SVIL: variants seen among roughly 807,000 people sequenced by gnomAD.
SVIL encodes archvillin.
In SVIL, 101 loss-of-function variants were observed where a neutral mutation model predicts 240.4. The ratio of observed to expected loss-of-function variants is 0.42; its 90% confidence interval spans 0.36 to 0.50. SVIL has a LOEUF of 0.50. SVIL is among the 20% of genes least tolerant of loss of function. The pLI is 0.01. For synonymous variants in SVIL, 999 were observed against 1,100.0 expected (o/e 0.91, Z 1.82); for missense variants, 2,512 against 2,818.7 (o/e 0.89, Z 2.46).
At chr10:29,667,406 G>A (rs1959393284) in intron 2 of SVIL, among the ~76,000 whole-genome samples, 1 of 152,182 alleles carries the variant, frequency 6.6e-6, no homozygotes. Context: ...TCTGGAAAAG[G>A]CAAAACTGTA....
At position 29,722,907 on chromosome 10, in the gene SVIL, T is replaced by TG. The variant is rs139793228; in HGVS notation, c.-400+12843dup. Among the ~76,000 whole-genome samples, 748 of 152,326 alleles carry TG rather than the reference T, an allele frequency of 4.9e-3. 17 individuals carry two copies. In the East Asian group the frequency reaches 0.076, roughly 15 times the overall value. On this transcript the variant is annotated intron_variant, in intron 1 of 35. Transcript: ENST00000375400. Reference sequence around the variant, plus strand: ...AAGATCTTGATTTAAATCTCAATCCTGTCACTCCTAGATACATGACTCTGG... The same window carrying TG: ...AAGATCTTGATTTAAATCTCAATCCTGGTCACTCCTAGATACATGACTCTGG...
At chr10:29,562,769 G>GAAAAAAAAAA (rs34507610) in intron 3 of SVIL, among the ~76,000 whole-genome samples, 10 of 115,720 alleles carry the variant, frequency 8.6e-5, no homozygotes, top group East Asian at 2.6e-4. Context: ...TCAAAAAAAA[G>GAAAAAAAAAA]AAAAAAAAAA....
At chr10:29,580,720 G>A (rs560914516) in intron 1 of SVIL, among the ~76,000 whole-genome samples, 1 of 152,152 alleles carries the variant, frequency 6.6e-6, no homozygotes, top group Non-Finnish European at 1.5e-5. Flanking sequence ...AGGCTGGAGT[G>A]CAGTGGTACA....
chr10:29,563,561 C>T (rs554655411), intron 2 of SVIL, among the ~76,000 whole-genome samples: 1 of 152,178 alleles, frequency 6.6e-6, no homozygotes, highest in East Asian at 1.9e-4. Flanking sequence ...AACTGGGAGT[C>T]GTGAGCTTTA....
At position 29,536,080 on chromosome 10, in the gene SVIL, C is replaced by T; in HGVS notation, c.828-11G>A. On this transcript the variant is annotated splice_polypyrimidine_tract_variant and intron_variant, in intron 6 of 37. Transcript: ENST00000355867. ...TTGGGTTTCCCTGTACTATTGTGTA[C>T]AAAAAACAAAACCAGATAATCTCTA... 2 of 1,613,478 alleles carry T rather than the reference C, an allele frequency of 1.2e-6. No homozygotes were observed. Among genetic ancestry groups the T allele is most frequent in the East Asian group, 4.5e-5 (2 of 44,882 alleles).
chr10:29,459,949 G>C (rs1380853511), intron 36 of SVIL, among the ~76,000 whole-genome samples: 1 of 152,112 alleles, frequency 6.6e-6, no homozygotes, highest in East Asian at 1.9e-4. Flanking sequence ...AAATAGGCTA[G>C]GCATGGAAGT....
chr10:29,578,730 C>T (rs1955809332), intron 1 of SVIL, among the ~76,000 whole-genome samples: 1 of 152,218 alleles, frequency 6.6e-6, no homozygotes, highest in Non-Finnish European at 1.5e-5. Flanking sequence ...AGCACAGAGC[C>T]TGGCTCAGAA....
chr10:29,475,679 T>A (rs1946118855), intron 29 of SVIL, among the ~76,000 whole-genome samples: 1 of 151,988 alleles, frequency 6.6e-6, no homozygotes, highest in South Asian at 2.1e-4. Flanking sequence ...CTAGGCTGAG[T>A]GAGGCCAGTA....
intron 9 of SVIL, among the ~76,000 whole-genome samples, chr10:29,531,545 T>G (rs1951369244): frequency 6.6e-6 from 1 of 152,214 alleles, no homozygotes; most frequent in South Asian, 2.1e-4. Flanking sequence ...TAAACACCAC[T>G]GATGACAATT....
chr10:29,550,909 G>T lies in SVIL; in HGVS notation c.515C>A (p.Thr172Lys), dbSNP rs755613062. 8 of 1,613,922 alleles carry T rather than the reference G, an allele frequency of 5.0e-6. No homozygotes were observed. In the Admixed American group the frequency reaches 8.3e-5, roughly 17 times the overall value. The change falls in exon 6 of 38, where the codon ACG becomes AAG. Residue 172 changes from threonine (T) to lysine (K), a missense_variant. Physicochemically the swap from Thr to Lys is moderately conservative, Grantham distance 78. This residue lies in a region of SVIL where 1,443 missense variants were observed against 1,486.6 expected (regional missense o/e 0.97). Coordinates refer to ENST00000355867, the MANE Select transcript of SVIL (RefSeq NM_021738.3). ...ACCGGCACAGGTCCTGAGCCCCATC[G>T]TCTCGGTCCCGGGGTACAGAGAACT... is the stretch of plus-strand genomic sequence containing the variant. The part of the protein sequence containing the change: ...DASSLYPGTE[T>K]MGLRTCAGES...
intron 23 of SVIL, among the ~76,000 whole-genome samples, chr10:29,488,323 G>T (rs187432823): frequency 2.6e-5 from 4 of 152,146 alleles, no homozygotes; most frequent in Non-Finnish European, 5.9e-5. Context: ...TGGAGTGGGG[G>T]GACCTGGGTT....
At chr10:29,544,687 A>T (rs73596047) in intron 6 of SVIL, among the ~76,000 whole-genome samples, 1,528 of 150,648 alleles carry the variant, frequency 0.01, 22 homozygotes, top group African/African-American at 0.035. Flanking sequence ...GAGCCCAGGA[A>T]GTCAAGGCTG....
At position 29,550,896 on chromosome 10, in the gene SVIL, C is replaced by T. The variant is rs199996983; in HGVS notation, c.528G>A (p.Arg176=). 8.7e-6 allele frequency: 14 copies of T among 1,614,082 alleles called. No homozygotes were observed. The highest frequency in any genetic ancestry group is 6.7e-5 in the Admixed American group (4 of 60,016). The change falls in exon 6 of 38, where the codon AGG becomes AGA. Residue 176 remains arginine, a synonymous_variant. Transcript: ENST00000355867. ...AGTCCTTGGATTCACCGGCACAGGT[C>T]CTGAGCCCCATCGTCTCGGTCCCGG... ...LYPGTETMGL[R]TCAGESKDYA...
At chr10:29,566,655 C>T (rs1462482362) in intron 2 of SVIL, among the ~76,000 whole-genome samples, 1 of 152,208 alleles carries the variant, frequency 6.6e-6, no homozygotes, top group Non-Finnish European at 1.5e-5. Flanking sequence ...TCAGTGAGCA[C>T]CTTTTTTGGC....
chr10:29,458,585 G>A lies in SVIL; in HGVS notation c.6407C>T (p.Thr2136Met), dbSNP rs756469614. Residue 2136 changes from threonine (T) to methionine (M), a missense_variant, in exon 37 of 38, where the codon ACG (threonine) becomes ATG (methionine). By Grantham distance (81) the Thr-to-Met change is moderately conservative. Transcript: ENST00000355867. ...EDIAEITEMD[T>M]EVSNQITLVE... ...GAGGGTGATCTGATTGGAAACTTCC[G>A]TGTCCTAGAGAAGAGGAGGGGGCAG... is the stretch of plus-strand genomic sequence containing the variant. 5.1e-5 allele frequency: 82 copies of A among 1,612,136 alleles called. No individual in the cohort carries two copies. The highest frequency in any genetic ancestry group is 1.3e-4 in the African/African-American group (10 of 74,806).
intron 1 of SVIL, among the ~76,000 whole-genome samples, chr10:29,606,888 G>C (rs529909957): frequency 2.0e-5 from 3 of 152,264 alleles, no homozygotes; most frequent in African/African-American, 7.2e-5. Context: ...CCAAGCAGCT[G>C]GGATTACAGC....
intron 1 of SVIL, among the ~76,000 whole-genome samples, chr10:29,700,468 C>CTTTTT (rs71281545): frequency 0.042 from 4,696 of 112,798 alleles, 169 homozygotes; most frequent in African/African-American, 0.088. Flanking sequence ...TTACTATTTC[C>CTTTTT]TTTTTTTTTT....
At chr10:29,568,032 A>C (rs577936503) in intron 2 of SVIL, among the ~76,000 whole-genome samples, 8 of 151,854 alleles carry the variant, frequency 5.3e-5, no homozygotes, top group South Asian at 2.1e-4. Context: ...AAAAAACAAA[A>C]AAAAAAACAA....
chr10:29,711,572 C>T (rs966627587), intron 1 of SVIL, among the ~76,000 whole-genome samples: 4 of 151,852 alleles, frequency 2.6e-5, no homozygotes, highest in Non-Finnish European at 1.5e-5. Context: ...ACCAGCCTGG[C>T]CAACATGGTG....
Sources: allele counts gnomAD v4.1 joint callset (sites outside exome capture counted in the v4.1 genomes callset), GRCh38; gene constraint gnomAD v4.1.1; regional missense constraint gnomAD v4.1.1; transcripts MANE v1.5; gene names NCBI Gene and HGNC (gene_info 2026-07-23, HGNC 2026-07-21).